The following ATAT1 variants were observed in gnomAD, a reference collection of about 807,000 sequenced individuals.
The protein encoded by ATAT1 is alpha tubulin acetyltransferase 1.
A neutral mutation model predicts 57.2 loss-of-function variants in ATAT1; 42 were observed. The observed-to-expected ratio is 0.73, with a 90% CI of 0.57 to 0.95. The LOEUF is 0.95. Ranked by LOEUF, ATAT1 falls within the 40% of genes least tolerant of loss-of-function variation. The pLI is 0.00. For missense variants in ATAT1, 454 were observed against 523.7 expected, an observed-to-expected ratio of 0.87 and a Z score of 1.30; for synonymous variants, 168 against 187.1, an observed-to-expected ratio of 0.90 and a Z score of 0.83.
intron 10 of ATAT1, 172 bp downstream of exon 10, chr6:30,643,183 C>G (rs1765899369): frequency 3.4e-6 from 5 of 1,454,700 alleles, no homozygotes; most frequent in Admixed American, 2.8e-5. Context: ...GAAAAAAATG[C>G]AGTGAAGGAG....
chr6:30,636,807 TTTTG>T (rs1290448354), intron 6 of ATAT1, among the ~76,000 whole-genome samples: 1 of 151,928 alleles, frequency 6.6e-6, no homozygotes, highest in South Asian at 2.1e-4. Context: ...CACAGTTTTT[TTTTG>T]TTTGTTTGTT....
At chr6:30,644,149 C>T in intron 10 of ATAT1, 1 of 985,934 alleles carries the variant, frequency 1.0e-6, no homozygotes, top group South Asian at 4.7e-5. Context: ...CCAAACTCTT[C>T]ATTTCCACAT....
At chr6:30,640,044 G>A (rs1176504319) in intron 6 of ATAT1, among the ~76,000 whole-genome samples, 1 of 151,960 alleles carries the variant, frequency 6.6e-6, no homozygotes. Flanking sequence ...GGGAGGCTGA[G>A]GTGGGAGGAT....
intron 6 of ATAT1, chr6:30,633,755 G>T: frequency 5.2e-6 from 1 of 193,036 alleles, no homozygotes. Context: ...GAGGAAAATG[G>T]GGAGCAGGAG....
rs145213788 is a variant in ATAT1 at position 30,640,414 on chromosome 6, A to C, written c.539A>C (p.His180Pro). Residue 180 changes from histidine (H) to proline (P), a missense_variant, in exon 7 of 13, where the codon CAT becomes CCT. Physicochemically the swap from His to Pro is moderately conservative, Grantham distance 77. Transcript: ENST00000330083. ...GTGATCTTTGAAGGCTTCTTTGCCC[A>C]TCAACATCGTAAGTTTTTGCATTTT... is the stretch of plus-strand genomic sequence containing the variant. 8 of 1,613,012 alleles carry C rather than the reference A, an allele frequency of 5.0e-6. No homozygotes were observed. The African/African-American group carries it at 1.1e-4, about 22-fold the overall frequency.
At chr6:30,643,432 C>T in intron 10 of ATAT1, 4 of 1,529,662 alleles carry the variant, frequency 2.6e-6, no homozygotes, top group Non-Finnish European at 3.5e-6. Flanking sequence ...CTTTATTTCT[C>T]TCCCTTTCTC....
chr6:30,627,235 C>A lies in ATAT1; in HGVS notation c.32C>A (p.Thr11Lys). The A allele has an allele frequency of 6.2e-7, 1 of 1,613,970 alleles. No homozygotes were observed. Among genetic ancestry groups the A allele is most frequent in the Non-Finnish European group, 8.5e-7 (1 of 1,179,890 alleles). The change falls in exon 1 of 13, where the codon ACA becomes AAA. Residue 11 changes from threonine to lysine, a missense_variant. This residue lies in a region of ATAT1 where 236 missense variants were observed against 284.5 expected (regional missense o/e 0.83). Coordinates refer to ENST00000330083, the MANE Select transcript of ATAT1 (RefSeq NM_001031722.4). ...TTGACCTGGCCTTTCTGCTTCCTCA[C>A]AATAACCTTAAGGGAGGAGGGAGTG...
chr6:30,641,995 C>T (rs748411264), intron 8 of ATAT1, 181 bp from the exon 9 acceptor site: 1 of 1,467,930 alleles, frequency 6.8e-7, no homozygotes, highest in East Asian at 2.5e-5. Context: ...AACAGTGTTC[C>T]ACATTCCCCT....
intron 6 of ATAT1, among the ~76,000 whole-genome samples, chr6:30,630,723 A>AT (rs545482961): frequency 3.9e-5 from 6 of 151,938 alleles, no homozygotes; most frequent in Non-Finnish European, 8.8e-5. Context: ...GGATCACCTG[A>AT]TATCAGGAGT....
intron 10 of ATAT1, 85 bp downstream of exon 10, chr6:30,643,096 G>T: frequency 2.0e-6 from 3 of 1,519,748 alleles, no homozygotes; most frequent in Non-Finnish European, 2.6e-6. Flanking sequence ...ATCCATCAGA[G>T]AGATGGATCA....
chr6:30,629,579 C>CT (rs1762404584), intron 6 of ATAT1, among the ~76,000 whole-genome samples: 1 of 151,648 alleles, frequency 6.6e-6, no homozygotes, highest in South Asian at 2.1e-4. Context: ...CAGAGTCGCT[C>CT]TGTCACCCAG....
chr6:30,642,173 C>G lies in ATAT1; in HGVS notation c.617-3C>G. 6.2e-7 allele frequency: 1 copy of G among 1,614,120 alleles called. No homozygotes were observed. The highest frequency in any genetic ancestry group is 1.1e-5 in the South Asian group (1 of 91,084). On this transcript the variant is annotated splice_region_variant and splice_polypyrimidine_tract_variant and intron_variant, in intron 8 of 12. Transcript: ENST00000330083. The stretch of plus-strand genomic sequence containing the variant: ...ACCCTGCCTATGTCCCCTCCACTGC[C>G]AGCTCCAGCAAGGAAGCTGCCACCC...
chr6:30,643,768 AC>A (rs1216593404), intron 10 of ATAT1: 10 of 1,358,410 alleles, frequency 7.4e-6, no homozygotes, highest in Non-Finnish European at 9.5e-6. Flanking sequence ...ACACAAAAGC[AC>A]CCCTTCTCTC....
intron 12 of ATAT1, 58 bp downstream of exon 12, chr6:30,646,167 C>T: frequency 1.3e-6 from 2 of 1,575,994 alleles, no homozygotes; most frequent in South Asian, 1.2e-5. Context: ...CCCTTCCTAA[C>T]ATCATTCTCA....
intron 8 of ATAT1, chr6:30,641,904 T>G: frequency 7.9e-7 from 1 of 1,271,782 alleles, no homozygotes; most frequent in Non-Finnish European, 1.0e-6. Flanking sequence ...GCCCTTCTCC[T>G]GCATCTCCCA....
chr6:30,640,245 C>A, intron 6 of ATAT1, 132 bp from the exon 7 acceptor site: 2 of 925,022 alleles, frequency 2.2e-6, no homozygotes, highest in Non-Finnish European at 3.4e-6. Context: ...GTGTTGTAGG[C>A]TATAGTGTCT....
In ATAT1 at chr6:30,627,866, CATT is replaced by C; in HGVS notation, c.244_246del (p.Ile82del). 6.2e-7 allele frequency: 1 copy of C among 1,612,976 alleles called. No homozygotes were observed. Among genetic ancestry groups the C allele is most frequent in the Non-Finnish European group, 8.5e-7 (1 of 1,180,008 alleles). On this transcript the variant is annotated inframe_deletion, in exon 4 of 13. Coordinates refer to ENST00000330083, the MANE Select transcript of ATAT1 (RefSeq NM_001031722.4). ...CGTCCTACAGGGCTGGAAAAGGAGCCATTATTGGTTTCATCAAAGTTGGATACA... is the reference window on the plus strand; with the variant it reads ...CGTCCTACAGGGCTGGAAAAGGAGCCATTGGTTTCATCAAAGTTGGATACA...
At chr6:30,642,422 C>T (rs774872442) in intron 9 of ATAT1, among the ~76,000 whole-genome samples, 175 bp downstream of exon 9, 6 of 152,036 alleles carry the variant, frequency 3.9e-5, no homozygotes, top group Non-Finnish European at 7.4e-5. Flanking sequence ...GCAGGCAGAT[C>T]GCCTGAGTCC....
At chr6:30,632,252 G>C (rs1338985550) in intron 6 of ATAT1, among the ~76,000 whole-genome samples, 1 of 138,474 alleles carries the variant, frequency 7.2e-6, no homozygotes, top group African/African-American at 2.7e-5. Context: ...CTGGGCGACA[G>C]AGCAAGACTC....
Sources: gnomAD v4.1 joint callset for allele counts (sites outside exome capture counted in the v4.1 genomes callset) on GRCh38, gnomAD v4.1.1 for gene constraint, gnomAD v4.1.1 regional missense constraint, MANE v1.5 for transcripts, NCBI Gene and HGNC (gene_info 2026-07-23, HGNC 2026-07-21) for gene names.